EBF3: variants seen among roughly 807,000 people sequenced by gnomAD.
The protein encoded by EBF3 is EBF transcription factor 3.
EBF3 carries 18 observed loss-of-function variants against 77.1 expected under a neutral mutation model. The ratio of observed to expected loss-of-function variants is 0.23; its 90% CI spans 0.16 to 0.35. EBF3 has a LOEUF of 0.35. Among genes scored for constraint, EBF3 ranks in the 10% least tolerant of loss-of-function variants. The pLI, the probability that EBF3 is intolerant of heterozygous loss-of-function variation, is 1.00. For missense variants in EBF3, 558 were observed against 860.0 expected (o/e 0.65, Z 4.39); for synonymous variants, 350 against 343.5 (o/e 1.02, Z -0.21).
At position 129,957,868 on chromosome 10, in the gene EBF3, G is replaced by A. The variant is rs553157545; in HGVS notation, c.486-542C>T. ...TTGAAACTTTAATTAAAGCAGAAATGAAACAAAAATGTTATGCTTCTTGCA... is the reference window on the plus strand; with the variant it reads ...TTGAAACTTTAATTAAAGCAGAAATAAAACAAAAATGTTATGCTTCTTGCA... On this transcript the variant is annotated intron_variant, in intron 5 of 16. Transcript: ENST00000440978. 9.9e-5 allele frequency among the ~76,000 whole-genome samples: 15 copies of A among 152,266 alleles called. No individual in the cohort carries two copies. The South Asian group carries it at 1.5e-3, about 15-fold the overall frequency.
intron 15 of EBF3, among the ~76,000 whole-genome samples, chr10:129,839,776 G>A (rs1359186763): frequency 2.0e-5 from 3 of 152,200 alleles, no homozygotes; most frequent in East Asian, 3.9e-4. Flanking sequence ...ATGGTGCCCC[G>A]CCATTCCCAT....
chr10:129,933,514 C>T, intron 6 of EBF3, among the ~76,000 whole-genome samples: 1 of 152,190 alleles, frequency 6.6e-6, no homozygotes, highest in Admixed American at 6.5e-5. Flanking sequence ...CCTTGAAACA[C>T]AAAAGAAGGA....
In EBF3 at chr10:129,946,842, TG is replaced by T. The variant is rs567018878; in HGVS notation, c.554+10415del. ...TTTATTTGTTCAAGGTAATGATCTT[TG>T]GGGAAAGGGCTGTTATATTTAGAAC... On this transcript the variant is annotated intron_variant, in intron 6 of 16. Coordinates refer to ENST00000440978, the MANE Select transcript of EBF3 (RefSeq NM_001375380.1). Among the ~76,000 whole-genome samples, 13 of 152,354 alleles carry T rather than the reference TG, an allele frequency of 8.5e-5. No homozygotes were observed. The East Asian group carries it at 2.5e-3, about 29-fold the overall frequency.
At chr10:129,871,986 T>C (rs922136173) in intron 8 of EBF3, among the ~76,000 whole-genome samples, 3 of 152,262 alleles carry the variant, frequency 2.0e-5, no homozygotes, top group African/African-American at 4.8e-5. Flanking sequence ...TACCCACTAG[T>C]GGCCTTTATT....
intron 6 of EBF3, among the ~76,000 whole-genome samples, chr10:129,922,082 G>A (rs972689504): frequency 6.6e-6 from 1 of 152,220 alleles, no homozygotes; most frequent in Non-Finnish European, 1.5e-5. Flanking sequence ...TCCATTGGGA[G>A]GCCTTGAGGG....
intron 6 of EBF3, among the ~76,000 whole-genome samples, chr10:129,922,496 A>G (rs1419913174): frequency 2.0e-5 from 3 of 152,212 alleles, no homozygotes; most frequent in Non-Finnish European, 4.4e-5. Context: ...CCTATACCCC[A>G]TAGCCCCTGG....
intron 10 of EBF3, among the ~76,000 whole-genome samples, chr10:129,850,188 G>C (rs1206142641): frequency 6.6e-6 from 1 of 152,262 alleles, no homozygotes; most frequent in African/African-American, 2.4e-5. Context: ...CACCATGACT[G>C]TTTGACTTAA....
chr10:129,884,606 C>T (rs1346591107), intron 6 of EBF3, among the ~76,000 whole-genome samples: 1 of 152,180 alleles, frequency 6.6e-6, no homozygotes, highest in East Asian at 1.9e-4. Context: ...AGCGAAGGGG[C>T]AGAGGGCGGC....
intron 6 of EBF3, among the ~76,000 whole-genome samples, chr10:129,933,594 TC>T (rs973289570): frequency 1.3e-5 from 2 of 152,178 alleles, no homozygotes; most frequent in African/African-American, 2.4e-5. Context: ...GGAATCCCGC[TC>T]CCAGCCCAGC....
Position 129,958,858 on chromosome 10 carries a change from TGGACGCGGCGTCCTTTGTA to T in EBF3, c.485+57_485+75del, listed in dbSNP as rs1451941034. The T allele has an allele frequency of 2.0e-6, 3 of 1,486,014 alleles. No individual in the cohort carries two copies. The East Asian group carries it at 8.1e-5, about 40-fold the overall frequency. 92.1% of individuals were successfully genotyped at this position (1,486,014 alleles called of 1,614,324 possible). ...CGGAGCTGGGCGGGGTGGCGGCGCCTGGACGCGGCGTCCTTTGTAGACGCAGCTGGCGCCGAGGCAGCCC... is the reference window on the plus strand; with the variant it reads ...CGGAGCTGGGCGGGGTGGCGGCGCCTGACGCAGCTGGCGCCGAGGCAGCCC... On this transcript the variant is annotated intron_variant, in intron 5 of 16. Transcript: ENST00000440978.
chr10:129,895,751 AC>A (rs1854327779), intron 6 of EBF3, among the ~76,000 whole-genome samples: 1 of 150,534 alleles, frequency 6.6e-6, no homozygotes, highest in Admixed American at 6.6e-5. Flanking sequence ...TTAAAATGAT[AC>A]TTTTGATTAC....
chr10:129,941,207 G>A (rs1388838181), intron 6 of EBF3, among the ~76,000 whole-genome samples: 3 of 152,238 alleles, frequency 2.0e-5, no homozygotes, highest in Non-Finnish European at 4.4e-5. Context: ...TCAAGTTCAA[G>A]GGACGAAAGA....
chr10:129,904,627 A>AATGG (rs34613166), intron 6 of EBF3, among the ~76,000 whole-genome samples: 58,515 of 149,686 alleles, frequency 0.39, 11,675 homozygotes, highest in African/African-American at 0.45. Context: ...TGGATGGACA[A>AATGG]ATGGATGGAT....
intron 11 of EBF3, chr10:129,845,927 G>C (rs1403778923): frequency 9.8e-6 from 1 of 102,038 alleles, no homozygotes; most frequent in Non-Finnish European, 1.8e-5. Flanking sequence ...TGTTTTTTCT[G>C]CTTTCATTTT....
Position 129,963,067 on chromosome 10 carries a change from C to G in EBF3, c.292-62G>C. The stretch of plus-strand genomic sequence containing the variant: ...CGGTGTCAGGCGCGGCCACCACGCT[C>G]GGTCCCCCTCCGCGACCGAGGCTCT... On this transcript the variant is annotated intron_variant, in intron 2 of 16. Coordinates refer to ENST00000440978, the MANE Select transcript of EBF3 (RefSeq NM_001375380.1). This position sits in a 1 kb window ranked among gnomAD's most constrained non-coding sequence, Gnocchi z 7.1. 6.3e-7 allele frequency: 1 copy of G among 1,599,204 alleles called. No homozygotes were observed. Among genetic ancestry groups the G allele is most frequent in the South Asian group, 1.1e-5 (1 of 90,720 alleles).
intron 10 of EBF3, among the ~76,000 whole-genome samples, chr10:129,859,492 T>C (rs770457433): frequency 6.6e-6 from 1 of 152,248 alleles, no homozygotes; most frequent in Non-Finnish European, 1.5e-5. Flanking sequence ...CCCAAAGTGC[T>C]GGGATTACAG....
At chr10:129,867,403 A>G in intron 9 of EBF3, 136 bp from the exon 10 acceptor site, 2 of 1,376,866 alleles carry the variant, frequency 1.5e-6, no homozygotes, top group South Asian at 2.7e-5. Flanking sequence ...GCTGTCACCC[A>G]GAGTCCCGGG....
Position 129,863,257 on chromosome 10 carries a change from C to T in EBF3, c.1039+3884G>A, listed in dbSNP as rs1404347417. Among the ~76,000 whole-genome samples the T allele has an allele frequency of 3.9e-5, 6 of 152,252 alleles. No individual in the cohort carries two copies. The highest frequency in any genetic ancestry group is 5.9e-5 in the Non-Finnish European group (4 of 68,052). On this transcript the variant is annotated intron_variant, in intron 10 of 16. Transcript: ENST00000440978. This position sits in a 1 kb window ranked among gnomAD's most constrained non-coding sequence, Gnocchi z 4.0. Reference sequence around the variant, plus strand: ...AAAGAACCAGTATGGAAGCGCTGGACATGTCATTTGTGACTCATTCTTTTA... The same window carrying T: ...AAAGAACCAGTATGGAAGCGCTGGATATGTCATTTGTGACTCATTCTTTTA...
chr10:129,888,082 C>A (rs1853737031), intron 6 of EBF3, among the ~76,000 whole-genome samples: 1 of 152,242 alleles, frequency 6.6e-6, no homozygotes, highest in African/African-American at 2.4e-5. Flanking sequence ...GAATTTCTTG[C>A]ACAGGGAGAA....
Sources: allele counts gnomAD v4.1 joint callset (sites outside exome capture counted in the v4.1 genomes callset), GRCh38; gene constraint gnomAD v4.1.1; non-coding constraint Gnocchi (gnomAD v3.1); transcripts MANE v1.5; gene names NCBI Gene and HGNC (gene_info 2026-07-23, HGNC 2026-07-21).